The following SPTBN4 variants were observed in gnomAD, a reference collection of about 807,000 sequenced individuals.
The protein encoded by SPTBN4 is spectrin beta, non-erythrocytic 4.
A neutral mutation model predicts 277.8 loss-of-function variants in SPTBN4; 96 were observed. That is an observed-to-expected ratio of 0.35 (90% CI 0.29 to 0.41). The LOEUF (loss-of-function observed/expected upper bound fraction) is 0.41, where lower values mean the gene tolerates loss of function less well. SPTBN4 is among the 10% of genes least tolerant of loss of function. The pLI is 1.00. For synonymous variants in SPTBN4, 1,481 were observed against 1,580.3 expected (o/e 0.94, Z 1.49); for missense variants, 3,006 against 3,595.7 (o/e 0.84, Z 4.19).
Position 40,472,771 on chromosome 19 carries a change from C to A in SPTBN4, c.150C>A (p.Ser50=). The A allele has an allele frequency of 6.3e-7, 1 of 1,583,150 alleles. No homozygotes were observed. Among genetic ancestry groups the A allele is most frequent in the East Asian group, 2.3e-5 (1 of 43,704 alleles). Residue 50 remains serine (S), a synonymous_variant, in exon 2 of 36, where the codon TCC becomes TCA. Transcript: ENST00000598249. ...CAGCGGCCTCGCTCTTTGAGTGCTCCCGGATCAAGGCCTTGGCAGGTACCT... is the reference window on the plus strand; with the variant it reads ...CAGCGGCCTCGCTCTTTGAGTGCTCACGGATCAAGGCCTTGGCAGGTACCT... ...STAAASLFEC[S]RIKALADERE...
Position 40,515,870 on chromosome 19 carries a change from G to GCACACA in SPTBN4, c.2903+423_2903+424insACACAC, listed in dbSNP as rs201088052. ...AAACCCCGTCTCTCTCTCTACGTGC[G>GCACACA]CGCACACACACACACACACACACAC... On this transcript the variant is annotated intron_variant, in intron 15 of 35. Transcript: ENST00000598249. The surrounding 1 kb of genome is among the most constrained non-coding windows in gnomAD (Gnocchi z 4.1). Among the ~76,000 whole-genome samples, 99 of 124,074 alleles carry GCACACA rather than the reference G, an allele frequency of 8.0e-4. 1 individual carries two copies. The highest frequency in any genetic ancestry group is 3.2e-3 in the African/African-American group (90 of 27,956). 81.4% of individuals were successfully genotyped at this position (124,074 alleles called of 152,430 possible).
chr19:40,478,470 T>C (rs1271462649), intron 2 of SPTBN4, among the ~76,000 whole-genome samples: 2 of 152,116 alleles, frequency 1.3e-5, no homozygotes, highest in Non-Finnish European at 2.9e-5. Context: ...TTGAAGGCAG[T>C]GATCTATGAT....
intron 15 of SPTBN4, among the ~76,000 whole-genome samples, chr19:40,516,478 A>C (rs113743758): frequency 0.02 from 2,993 of 152,122 alleles, 37 homozygotes; most frequent in Admixed American, 0.034. Context: ...AATTAAAAAA[A>C]ATTTTTTTTG....
At chr19:40,565,255 A>G (rs1045801398) in intron 27 of SPTBN4, among the ~76,000 whole-genome samples, 168 bp from the exon 28 acceptor site, 10 of 150,084 alleles carry the variant, frequency 6.7e-5, no homozygotes, top group African/African-American at 2.4e-4. Flanking sequence ...ATAGGGTGAG[A>G]CTTTATCTCA....
Position 40,519,642 on chromosome 19 carries a change from G to T in SPTBN4, c.3145G>T (p.Ala1049Ser). The change falls in exon 16 of 36, where the codon GCT (alanine) becomes TCT (serine). Residue 1049 changes from alanine (A) to serine (S), a missense_variant. Coordinates refer to ENST00000598249, the MANE Select transcript of SPTBN4 (RefSeq NM_020971.3). This position sits in a 1 kb window ranked among gnomAD's most constrained non-coding sequence, Gnocchi z 5.7. ...CCTTCTGGAGGAGGCAGCCCTGCTG[G>T]CTGAGCGCTTCCCGGCGCAGGCGGC... The part of the protein sequence containing the change: ...AALLEEAALL[A>S]ERFPAQAARL... 1 of 1,409,820 alleles carries T rather than the reference G, an allele frequency of 7.1e-7. No homozygotes were observed. Among genetic ancestry groups the T allele is most frequent in the Non-Finnish European group, 9.1e-7 (1 of 1,094,100 alleles). 87.3% of individuals were successfully genotyped at this position (1,409,820 alleles called of 1,614,324 possible). A position where few individuals can be genotyped will look rare whatever the true frequency, so the allele number is the denominator to read the frequency against.
intron 2 of SPTBN4, among the ~76,000 whole-genome samples, chr19:40,474,633 C>A (rs566919291): frequency 6.6e-6 from 1 of 151,738 alleles, no homozygotes; most frequent in Non-Finnish European, 1.5e-5. Context: ...AGCATGGTGG[C>A]GGATGCCTGT....
intron 16 of SPTBN4, among the ~76,000 whole-genome samples, chr19:40,521,821 A>G (rs552831467): frequency 1.3e-5 from 2 of 152,162 alleles, no homozygotes; most frequent in Non-Finnish European, 2.9e-5. Flanking sequence ...TGACCCACCC[A>G]TTTAAAAAAT....
chr19:40,471,935 A>G (rs1229228536), intron 1 of SPTBN4, among the ~76,000 whole-genome samples: 5 of 111,072 alleles, frequency 4.5e-5, no homozygotes, highest in African/African-American at 7.0e-5. Context: ...TTTGAGACAG[A>G]GTTTCGCTTT....
chr19:40,500,056 A>C (rs900692517), intron 7 of SPTBN4, among the ~76,000 whole-genome samples: 2 of 152,030 alleles, frequency 1.3e-5, no homozygotes, highest in Non-Finnish European at 2.9e-5. Context: ...CAGCCTGGGC[A>C]ATGTAGTGAA....
chr19:40,574,365 C>CTT (rs533228382), intron 35 of SPTBN4, among the ~76,000 whole-genome samples: 1 of 141,886 alleles, frequency 7.0e-6, no homozygotes. Flanking sequence ...AAGAAGTGGG[C>CTT]TTTTTTTTTT....
intron 2 of SPTBN4, among the ~76,000 whole-genome samples, chr19:40,476,072 C>A (rs1395032288): frequency 6.6e-6 from 1 of 151,426 alleles, no homozygotes; most frequent in Admixed American, 6.6e-5. Context: ...TGGTTAGGCG[C>A]GGTAGCTCAC....
At chr19:40,478,466 G>T (rs1431550927) in intron 2 of SPTBN4, among the ~76,000 whole-genome samples, 1 of 152,102 alleles carries the variant, frequency 6.6e-6, no homozygotes, top group Non-Finnish European at 1.5e-5. Flanking sequence ...GGAATTGAAG[G>T]CAGTGATCTA....
rs777393904 is a variant in SPTBN4, at chr19:40,502,457, C to G, written c.1153C>G (p.Arg385Gly). Residue 385 changes from arginine to glycine, a missense_variant, in exon 10 of 36, where the codon CGT (arginine) becomes GGT (glycine). Arg to Gly is a moderately radical substitution (Grantham distance 125). Around this residue, in one of 5 missense-constraint regions of SPTBN4, gnomAD observed 1,759 missense variants for 2,061.5 expected, o/e 0.85. Coordinates refer to ENST00000598249, the MANE Select transcript of SPTBN4 (RefSeq NM_020971.3). This position sits in a 1 kb window ranked among gnomAD's most constrained non-coding sequence, Gnocchi z 4.9. ...CCAGAGCAAACTGCGTGCCTGCAAC[C>G]GTCGCCTCTTTGTGCCTCGGGAGGG... ...SIQSKLRACNRRLFVPREGCG... is the reference protein window; with the variant it reads ...SIQSKLRACNGRLFVPREGCG... 2.5e-6 allele frequency: 4 copies of G among 1,613,632 alleles called. No individual in the cohort carries two copies. The Admixed American group carries it at 6.7e-5, about 27-fold the overall frequency.
chr19:40,558,331 T>G (rs2081005598), intron 26 of SPTBN4, among the ~76,000 whole-genome samples: 1 of 147,266 alleles, frequency 6.8e-6, no homozygotes, highest in African/African-American at 2.5e-5. Context: ...CACTCCAGCC[T>G]GGGCGACAGA....
intron 27 of SPTBN4, among the ~76,000 whole-genome samples, chr19:40,564,307 G>C (rs1000326433): frequency 6.6e-6 from 1 of 152,218 alleles, no homozygotes; most frequent in Non-Finnish European, 1.5e-5. Context: ...GTTGCAGTGA[G>C]CGGAGATCGC....
chr19:40,549,044 A>C, intron 20 of SPTBN4, 145 bp from the exon 21 acceptor site: 1 of 635,342 alleles, frequency 1.6e-6, no homozygotes, highest in Non-Finnish European at 2.6e-6. Context: ...TGCGGAGCGC[A>C]TCGCTCCTGG....
intron 26 of SPTBN4, 132 bp downstream of exon 26, chr19:40,557,535 GGAA>G: frequency 1.9e-6 from 2 of 1,074,552 alleles, no homozygotes; most frequent in Admixed American, 6.3e-5. Flanking sequence ...CTACAGAACA[GGAA>G]GAAATTAGAT....
chr19:40,497,685 C>T, intron 7 of SPTBN4, 81 bp downstream of exon 7: 1 of 1,122,038 alleles, frequency 8.9e-7, no homozygotes, highest in Non-Finnish European at 1.3e-6. Flanking sequence ...AACTCCATCC[C>T]ACCCCAGCAC....
At chr19:40,483,466 T>C (rs2145816973) in intron 2 of SPTBN4, among the ~76,000 whole-genome samples, 1 of 152,360 alleles carries the variant, frequency 6.6e-6, no homozygotes, top group South Asian at 2.1e-4. Context: ...CTTCTTACTC[T>C]AGCAGTAGAA....
Sources: allele counts gnomAD v4.1 joint callset (sites outside exome capture counted in the v4.1 genomes callset), GRCh38; gene constraint gnomAD v4.1.1; regional missense constraint gnomAD v4.1.1; non-coding constraint Gnocchi (gnomAD v3.1); transcripts MANE v1.5; gene names NCBI Gene and HGNC (gene_info 2026-07-23, HGNC 2026-07-21).